The following PPP2R2A variants were observed in gnomAD, a reference collection of about 807,000 sequenced individuals.
PPP2R2A encodes serine/threonine-protein phosphatase 2A 55 kDa regulatory subunit B alpha isoform.
Under a neutral mutation model 53.2 loss-of-function variants are expected in PPP2R2A, and 9 were observed. The observed-to-expected ratio is 0.17, with a 90% confidence interval of 0.10 to 0.30. The LOEUF (loss-of-function observed/expected upper bound fraction) is 0.30. PPP2R2A is among the 10% of genes least tolerant of loss of function. The probability of loss-of-function intolerance (pLI) is 1.00; values close to 1 mark genes in which losing one functional copy is unlikely to be tolerated. For synonymous variants in PPP2R2A, 169 were observed against 174.2 expected (o/e 0.97, Z 0.23); for missense variants, 235 against 534.6 (o/e 0.44, Z 5.53).
intron 2 of PPP2R2A, among the ~76,000 whole-genome samples, chr8:26,294,353 T>C (rs952298515): frequency 1.1e-4 from 16 of 152,226 alleles, no homozygotes; most frequent in Non-Finnish European, 2.1e-4. Context: ...CTTGTGCAGG[T>C]AGAAACTGTG....
chr8:26,345,440 A>G (rs1408983714), intron 3 of PPP2R2A, among the ~76,000 whole-genome samples: 1 of 152,200 alleles, frequency 6.6e-6, no homozygotes, highest in Non-Finnish European at 1.5e-5. Flanking sequence ...TAACCCCACC[A>G]AACAAAAATA....
intron 3 of PPP2R2A, among the ~76,000 whole-genome samples, chr8:26,343,286 A>G (rs1804043349): frequency 1.3e-5 from 2 of 152,176 alleles, no homozygotes; most frequent in African/African-American, 4.8e-5. Context: ...AAGAGCTAAC[A>G]TTTATAGGGC....
chr8:26,310,204 C>G (rs1413705325), intron 2 of PPP2R2A, among the ~76,000 whole-genome samples: 1 of 141,160 alleles, frequency 7.1e-6, no homozygotes, highest in Non-Finnish European at 1.5e-5. Context: ...TCATTTGAAC[C>G]CGGGAGGCGG....
At chr8:26,330,705 G>A (rs1803325412) in intron 2 of PPP2R2A, among the ~76,000 whole-genome samples, 1 of 151,952 alleles carries the variant, frequency 6.6e-6, no homozygotes, top group South Asian at 2.1e-4. Flanking sequence ...TTTCATTTTT[G>A]TCACTTCTGG....
chr8:26,369,610 T>C (rs1159106696), intron 9 of PPP2R2A, among the ~76,000 whole-genome samples: 3 of 152,152 alleles, frequency 2.0e-5, no homozygotes, highest in East Asian at 1.9e-4. Context: ...GCCAGAATGG[T>C]CTCGATCTCC....
At chr8:26,320,488 A>ACTGTG (rs1802779816) in intron 2 of PPP2R2A, among the ~76,000 whole-genome samples, 1 of 152,158 alleles carries the variant, frequency 6.6e-6, no homozygotes, top group South Asian at 2.1e-4. Context: ...TTGTGAGTTA[A>ACTGTG]AATACTGCTG....
chr8:26,306,172 C>CA (rs34167453), intron 2 of PPP2R2A, among the ~76,000 whole-genome samples: 11,504 of 135,030 alleles, frequency 0.085, 512 homozygotes, highest in Middle Eastern at 0.14. Context: ...GACTCCATCT[C>CA]AAAAAAAAAA....
intron 2 of PPP2R2A, among the ~76,000 whole-genome samples, chr8:26,295,415 A>G (rs776446064): frequency 6.6e-6 from 1 of 152,234 alleles, no homozygotes; most frequent in Non-Finnish European, 1.5e-5. Flanking sequence ...TCAATAATGT[A>G]ATGTCAATAG....
At chr8:26,293,052 A>C (rs1177069453) in intron 1 of PPP2R2A, 9 of 459,642 alleles carry the variant, frequency 2.0e-5, no homozygotes, top group Non-Finnish European at 3.4e-5. Context: ...TTTGGAGTCA[A>C]GGGATGAGGT....
chr8:26,361,788 C>T (rs537378333), intron 6 of PPP2R2A, among the ~76,000 whole-genome samples: 67 of 151,952 alleles, frequency 4.4e-4, no homozygotes, highest in African/African-American at 1.5e-3. Flanking sequence ...AGTGAAACCC[C>T]GTCTCTCCTA....
In PPP2R2A at chr8:26,322,560, G is replaced by A. The variant is rs142426086; in HGVS notation, c.83-16330G>A. 3.4e-3 allele frequency among the ~76,000 whole-genome samples: 510 copies of A among 152,010 alleles called. 11 individuals carry two copies. The highest frequency in any genetic ancestry group is 0.029 in the Admixed American group (440 of 15,276). ...CAAGATGGCTTTTTATAGGTGTGCA[G>A]GAACTCAAAGTATATCACTCGACTA... On this transcript the variant is annotated intron_variant, in intron 2 of 9. Transcript: ENST00000380737.
chr8:26,323,736 C>G (rs181409557), intron 2 of PPP2R2A, among the ~76,000 whole-genome samples: 105 of 152,280 alleles, frequency 6.9e-4, no homozygotes, highest in Middle Eastern at 3.4e-3. Flanking sequence ...CTACGCAGCT[C>G]CTGGATGTGT....
At chr8:26,304,097 A>G (rs1211917956) in intron 2 of PPP2R2A, among the ~76,000 whole-genome samples, 1 of 152,184 alleles carries the variant, frequency 6.6e-6, no homozygotes, top group Non-Finnish European at 1.5e-5. Context: ...CACTTACTGA[A>G]ACTTCTGTGC....
intron 2 of PPP2R2A, among the ~76,000 whole-genome samples, chr8:26,320,409 G>A (rs778936841): frequency 6.6e-6 from 1 of 152,216 alleles, no homozygotes; most frequent in Non-Finnish European, 1.5e-5. Flanking sequence ...GCTATTGGGA[G>A]AGGGTAAAAG....
At position 26,354,989 on chromosome 8, in the gene PPP2R2A, T is replaced by G. The variant is rs1442042485; in HGVS notation, c.346+356T>G. Among the ~76,000 whole-genome samples the G allele has an allele frequency of 6.6e-6, 1 of 152,226 alleles. No homozygotes were observed. The highest frequency in any genetic ancestry group is 1.5e-5 in the Non-Finnish European group (1 of 68,036). Reference sequence around the variant, plus strand: ...GCAGCAAACTAGAGATAGCAATTTTTTATTATAGTATTATTATGAATATTA... The same window carrying G: ...GCAGCAAACTAGAGATAGCAATTTTGTATTATAGTATTATTATGAATATTA... On this transcript the variant is annotated intron_variant, in intron 4 of 9. Coordinates refer to ENST00000380737, the MANE Select transcript of PPP2R2A (RefSeq NM_002717.4). The surrounding 1 kb of genome is among the most constrained non-coding windows in gnomAD (Gnocchi z 4.6).
intron 3 of PPP2R2A, among the ~76,000 whole-genome samples, chr8:26,348,547 C>T (rs774364357): frequency 1.3e-5 from 2 of 152,108 alleles, no homozygotes; most frequent in Admixed American, 6.6e-5. Flanking sequence ...TGGGTCCCCT[C>T]CCTAAGATAA....
At chr8:26,342,452 G>A (rs1351982957) in intron 3 of PPP2R2A, among the ~76,000 whole-genome samples, 1 of 152,142 alleles carries the variant, frequency 6.6e-6, no homozygotes, top group East Asian at 1.9e-4. Flanking sequence ...AGGGATTTTT[G>A]TTGTTTCCAT....
At position 26,362,673 on chromosome 8, in the gene PPP2R2A, A is replaced by G. The variant is rs993155069; in HGVS notation, c.638-11A>G. On this transcript the variant is annotated splice_polypyrimidine_tract_variant and intron_variant, in intron 6 of 9. Transcript: ENST00000380737. This position sits in a 1 kb window ranked among gnomAD's most constrained non-coding sequence, Gnocchi z 4.4. ...TTCTAAGTGGAAATTCCTTAATAAA[A>G]TGTTATCTAGACATTGTGGATATCA... is the stretch of plus-strand genomic sequence containing the variant. 5 of 1,609,110 alleles carry G rather than the reference A, an allele frequency of 3.1e-6. No homozygotes were observed. In the African/African-American group the frequency reaches 5.4e-5, roughly 17 times the overall value.
intron 2 of PPP2R2A, among the ~76,000 whole-genome samples, chr8:26,317,987 A>G (rs1341977158): frequency 1.3e-5 from 2 of 152,186 alleles, no homozygotes; most frequent in Admixed American, 1.3e-4. Context: ...TGTGACAGAA[A>G]TTTTATTCAT....
Sources: gnomAD v4.1 joint callset for allele counts (sites outside exome capture counted in the v4.1 genomes callset) on GRCh38, gnomAD v4.1.1 for gene constraint, Gnocchi (gnomAD v3.1) non-coding constraint, MANE v1.5 for transcripts, NCBI Gene and HGNC (gene_info 2026-07-23, HGNC 2026-07-21) for gene names.